The following FAM135B variants were observed in gnomAD, a reference collection of about 807,000 sequenced individuals.
FAM135B encodes the protein family with sequence similarity 135 member B, also known as protein FAM135B.
Under a neutral mutation model 127.7 loss-of-function variants are expected in FAM135B, and 43 were observed. The ratio of observed to expected loss-of-function variants is 0.34; its 90% CI spans 0.26 to 0.43. FAM135B has a LOEUF of 0.43. Among genes scored for constraint, FAM135B ranks in the 20% least tolerant of loss-of-function variants. The pLI is 1.00. For synonymous variants in FAM135B, 670 were observed against 665.1 expected (o/e 1.01, Z -0.11); for missense variants, 1,558 against 1,725.6 (o/e 0.90, Z 1.72).
chr8:138,170,981 T>C (rs1820384735), intron 11 of FAM135B, among the ~76,000 whole-genome samples: 2 of 152,208 alleles, frequency 1.3e-5, no homozygotes, highest in Non-Finnish European at 2.9e-5. Flanking sequence ...TCTTGGACTC[T>C]GGGACTCTCA....
chr8:138,203,655 TC>T (rs1393079058), intron 7 of FAM135B, among the ~76,000 whole-genome samples: 1 of 152,122 alleles, frequency 6.6e-6, no homozygotes, highest in Non-Finnish European at 1.5e-5. Context: ...GTAGTCCCCC[TC>T]CTTTTTGGCA....
intron 1 of FAM135B, among the ~76,000 whole-genome samples, chr8:138,368,891 G>C (rs75623527): frequency 0.014 from 2,092 of 152,162 alleles, 47 homozygotes; most frequent in African/African-American, 0.047. Context: ...TAGTTGTATT[G>C]GGCACCTACT....
In FAM135B at chr8:138,458,043, A is replaced by C. The variant is rs186815753; in HGVS notation, c.-20+38628T>G. 3.1e-3 allele frequency among the ~76,000 whole-genome samples: 465 copies of C among 152,042 alleles called. 9 individuals carry two copies. Among genetic ancestry groups the C allele is most frequent in the Non-Finnish European group, 3.8e-3 (259 of 67,990 alleles). On this transcript the variant is annotated intron_variant, in intron 1 of 19. Transcript: ENST00000395297. ...TGGCACACGCCTATAGTCTAGCTACATGAGAGGTTGAGACACGAGAATCAC... is the reference window on the plus strand; with the variant it reads ...TGGCACACGCCTATAGTCTAGCTACCTGAGAGGTTGAGACACGAGAATCAC...
chr8:138,255,927 G>T (rs1047083819), intron 5 of FAM135B, among the ~76,000 whole-genome samples: 2 of 152,158 alleles, frequency 1.3e-5, no homozygotes, highest in Non-Finnish European at 2.9e-5. Context: ...AGAAAGGGGG[G>T]ATATGAAGCC....
At chr8:138,445,281 G>C (rs992582174) in intron 1 of FAM135B, among the ~76,000 whole-genome samples, 11 of 152,240 alleles carry the variant, frequency 7.2e-5, no homozygotes, top group Admixed American at 3.3e-4. Flanking sequence ...GAAAAAGAGG[G>C]AATCCTCCCT....
At chr8:138,184,437 C>T (rs73423946) in intron 9 of FAM135B, among the ~76,000 whole-genome samples, 7,381 of 152,226 alleles carry the variant, frequency 0.048, 390 homozygotes, top group African/African-American at 0.13. Context: ...GGATGTGCGA[C>T]GCAAAAGATG....
rs145957753 is a variant in FAM135B at position 138,193,765 on chromosome 8, G to A, written c.873+1493C>T. The stretch of plus-strand genomic sequence containing the variant: ...GCAGAGCACTTAGGAGGGTCCTTGC[G>A]TGAGCTCTCTAGCGGTCCCCTCAGA... On this transcript the variant is annotated intron_variant, in intron 9 of 19. Coordinates refer to ENST00000395297, the MANE Select transcript of FAM135B (RefSeq NM_015912.4). Among the ~76,000 whole-genome samples the A allele has an allele frequency of 4.7e-4, 71 of 152,260 alleles. No homozygotes were observed. The Middle Eastern group carries it at 0.01, about 22-fold the overall frequency.
intron 2 of FAM135B, among the ~76,000 whole-genome samples, chr8:138,351,648 A>G (rs1829788339): frequency 6.6e-6 from 1 of 151,132 alleles, no homozygotes; most frequent in Non-Finnish European, 1.5e-5. Context: ...CTAGAAAACC[A>G]AGACACCACA....
intron 1 of FAM135B, among the ~76,000 whole-genome samples, chr8:138,480,743 T>C (rs1814742444): frequency 6.6e-6 from 1 of 152,212 alleles, no homozygotes; most frequent in East Asian, 1.9e-4. Flanking sequence ...TAGTTTGCAC[T>C]GATTGCTCTG....
At chr8:138,178,830 A>G (rs906047912) in intron 9 of FAM135B, 140 bp from the exon 10 acceptor site, 14 of 662,984 alleles carry the variant, frequency 2.1e-5, no homozygotes, top group South Asian at 6.0e-5. Flanking sequence ...ATTATATATT[A>G]CAACTCATAG....
chr8:138,151,937 G>A lies in FAM135B; in HGVS notation c.2538C>T (p.Asp846=), dbSNP rs2130749256. Residue 846 remains aspartate, a synonymous_variant, in exon 13 of 20, where the codon GAC becomes GAT. Coordinates refer to ENST00000395297, the MANE Select transcript of FAM135B (RefSeq NM_015912.4). The part of the protein sequence containing the change: ...ADNQQGPGYI[D]IPKGKGKQFD... Reference sequence around the variant, plus strand: ...ACTGCTTCCCTTTCCCTTTGGGGATGTCTATGTATCCGGGGCCCTGCTGGT... The same window carrying A: ...ACTGCTTCCCTTTCCCTTTGGGGATATCTATGTATCCGGGGCCCTGCTGGT... 6.2e-7 allele frequency: 1 copy of A among 1,614,188 alleles called. No homozygotes were observed. Among genetic ancestry groups the A allele is most frequent in the Middle Eastern group, 1.6e-4 (1 of 6,062 alleles).
chr8:138,323,491 T>C (rs528055927), intron 2 of FAM135B, among the ~76,000 whole-genome samples: 7 of 152,298 alleles, frequency 4.6e-5, no homozygotes, highest in African/African-American at 1.7e-4. Flanking sequence ...AAAAATATAA[T>C]TGTGGTTGTT....
At chr8:138,423,368 G>A (rs528261620) in intron 1 of FAM135B, among the ~76,000 whole-genome samples, 67 of 152,252 alleles carry the variant, frequency 4.4e-4, no homozygotes, top group African/African-American at 1.3e-3. Context: ...TATTTCACAT[G>A]GGTTCTTTTC....
chr8:138,334,248 C>T (rs1828391002), intron 2 of FAM135B, among the ~76,000 whole-genome samples: 1 of 152,124 alleles, frequency 6.6e-6, no homozygotes, highest in Non-Finnish European at 1.5e-5. Context: ...TGACCCACGA[C>T]AGAAGGGTGG....
At chr8:138,334,716 C>T (rs931010351) in intron 2 of FAM135B, among the ~76,000 whole-genome samples, 1 of 152,160 alleles carries the variant, frequency 6.6e-6, no homozygotes, top group Non-Finnish European at 1.5e-5. Flanking sequence ...CTGCAAAGAA[C>T]ATGATCTTGT....
chr8:138,395,337 C>T (rs1832789245), intron 1 of FAM135B, among the ~76,000 whole-genome samples: 1 of 152,086 alleles, frequency 6.6e-6, no homozygotes, highest in South Asian at 2.1e-4. Context: ...GGAGACGCCG[C>T]ACCTGCTTGG....
intron 7 of FAM135B, among the ~76,000 whole-genome samples, chr8:138,218,799 AG>A (rs1818787949): frequency 2.9e-4 from 6 of 20,904 alleles, no homozygotes; most frequent in African/African-American, 2.3e-4. Flanking sequence ...AGAGAGAGAG[AG>A]AGAGGGAGAG....
chr8:138,170,781 G>A (rs557949928), intron 11 of FAM135B, among the ~76,000 whole-genome samples: 201 of 152,270 alleles, frequency 1.3e-3, no homozygotes, highest in African/African-American at 4.6e-3. Context: ...GGGTGTCTCT[G>A]GAGGAGACTG....
chr8:138,469,184 T>C (rs1334117813), intron 1 of FAM135B, among the ~76,000 whole-genome samples: 1 of 151,904 alleles, frequency 6.6e-6, no homozygotes, highest in Non-Finnish European at 1.5e-5. Context: ...TTTTGAAATT[T>C]TCAGTTTTTA....
Sources: gnomAD v4.1 joint callset for allele counts (sites outside exome capture counted in the v4.1 genomes callset) on GRCh38, gnomAD v4.1.1 for gene constraint, MANE v1.5 for transcripts, NCBI Gene and HGNC (gene_info 2026-07-23, HGNC 2026-07-21) for gene names.